WWOX: variants seen among roughly 807,000 people sequenced by gnomAD.
WWOX encodes WW domain containing oxidoreductase.
A neutral mutation model predicts 46.2 loss-of-function variants in WWOX; 69 were observed. The observed-to-expected ratio is 1.49, with a 90% confidence interval of 1.23 to 1.82. The LOEUF is 1.82. Among genes scored for constraint, WWOX ranks in the 40% most tolerant of loss-of-function variants. The pLI is 0.00. For synonymous variants in WWOX, 359 were observed against 202.6 expected (o/e 1.77, Z -6.56); for missense variants, 919 against 542.6 (o/e 1.69, Z -6.89).
chr16:78,564,730 T>C (rs548321162), intron 8 of WWOX, among the ~76,000 whole-genome samples: 5 of 152,324 alleles, frequency 3.3e-5, no homozygotes, highest in African/African-American at 1.2e-4. Flanking sequence ...CATACAACCA[T>C]ATGGTACCTC....
At chr16:78,530,918 C>G (rs1042622693) in intron 8 of WWOX, among the ~76,000 whole-genome samples, 1 of 152,190 alleles carries the variant, frequency 6.6e-6, no homozygotes, top group Non-Finnish European at 1.5e-5. Context: ...TTTCACAACT[C>G]CATAAAGTAG....
intron 6 of WWOX, among the ~76,000 whole-genome samples, chr16:78,406,964 T>C (rs1397134986): frequency 6.6e-6 from 1 of 152,172 alleles, no homozygotes; most frequent in Non-Finnish European, 1.5e-5. Context: ...GGATGCTACC[T>C]AAAATCATCT....
intron 6 of WWOX, among the ~76,000 whole-genome samples, chr16:78,389,518 G>A (rs964001035): frequency 1.3e-4 from 20 of 152,168 alleles, no homozygotes; most frequent in African/African-American, 4.8e-4. Flanking sequence ...CTCATTTACT[G>A]AGGGCTTATG....
chr16:78,862,200 CTT>C (rs1491299653), intron 8 of WWOX, among the ~76,000 whole-genome samples: 1 of 151,494 alleles, frequency 6.6e-6, no homozygotes, highest in Non-Finnish European at 1.5e-5. Flanking sequence ...CTGTCTGTAT[CTT>C]TACACACCTA....
At chr16:78,834,583 G>A (rs1450538776) in intron 8 of WWOX, among the ~76,000 whole-genome samples, 1 of 152,162 alleles carries the variant, frequency 6.6e-6, no homozygotes, top group African/African-American at 2.4e-5. Context: ...AATCCCCATT[G>A]CCGATGATCA....
chr16:78,395,243 G>A (rs946081408), intron 6 of WWOX, among the ~76,000 whole-genome samples: 4 of 152,316 alleles, frequency 2.6e-5, no homozygotes, highest in Middle Eastern at 3.4e-3. Flanking sequence ...GAGAGGACAC[G>A]TGTGATGTCT....
intron 5 of WWOX, among the ~76,000 whole-genome samples, chr16:78,229,350 A>G (rs943695145): frequency 6.6e-6 from 1 of 150,896 alleles, no homozygotes; most frequent in Non-Finnish European, 1.5e-5. Context: ...TTTCTTTTTA[A>G]CTCTAGTTAA....
At position 78,165,330 on chromosome 16, in the gene WWOX, C is replaced by T. The variant is rs140917599; in HGVS notation, c.516+1041C>T. 3.3e-3 allele frequency among the ~76,000 whole-genome samples: 505 copies of T among 152,288 alleles called. 2 individuals are homozygous for T. Among genetic ancestry groups the T allele is most frequent in the Non-Finnish European group, 5.7e-3 (388 of 68,028 alleles). On this transcript the variant is annotated intron_variant, in intron 5 of 8. Transcript: ENST00000566780. ...GGGGTCTACTGTTAAGGACAACAGA[C>T]GTTGCCACTGTCTTTGTAGAGCTTT...
chr16:78,130,827 A>G (rs2033561776), intron 4 of WWOX, among the ~76,000 whole-genome samples: 2 of 152,232 alleles, frequency 1.3e-5, no homozygotes, highest in African/African-American at 2.4e-5. Context: ...GGAGGATACA[A>G]AACACACCAA....
At chr16:79,209,314 C>A (rs2051632471) in intron 8 of WWOX, among the ~76,000 whole-genome samples, 1 of 152,158 alleles carries the variant, frequency 6.6e-6, no homozygotes. Flanking sequence ...AGCAAAAATA[C>A]CATTCCAGTA....
chr16:78,732,141 G>C (rs148663482), intron 8 of WWOX, among the ~76,000 whole-genome samples: 8 of 152,210 alleles, frequency 5.3e-5, no homozygotes, highest in African/African-American at 1.9e-4. Context: ...TGGGATTACA[G>C]GTGTGAGCCC....
At chr16:78,327,565 G>C (rs1167987267) in intron 5 of WWOX, among the ~76,000 whole-genome samples, 1 of 151,944 alleles carries the variant, frequency 6.6e-6, no homozygotes, top group East Asian at 1.9e-4. Context: ...AATCATTTGG[G>C]GTATTAGGAT....
At chr16:78,912,227 T>C (rs938272878) in intron 8 of WWOX, among the ~76,000 whole-genome samples, 1 of 152,072 alleles carries the variant, frequency 6.6e-6, no homozygotes, top group African/African-American at 2.4e-5. Flanking sequence ...CCCAGTTGTT[T>C]TGAAGCATGT....
intron 5 of WWOX, among the ~76,000 whole-genome samples, chr16:78,233,975 G>A (rs2037355384): frequency 6.6e-6 from 1 of 152,184 alleles, no homozygotes; most frequent in Non-Finnish European, 1.5e-5. Flanking sequence ...AGGGTAACCT[G>A]CTCTCTTCCA....
chr16:78,211,122 A>C (rs2036546950), intron 5 of WWOX, among the ~76,000 whole-genome samples: 1 of 152,202 alleles, frequency 6.6e-6, no homozygotes, highest in Non-Finnish European at 1.5e-5. Context: ...GAGGGCTGAA[A>C]GGAATTTATT....
At chr16:78,363,287 T>G (rs2081452599) in intron 5 of WWOX, among the ~76,000 whole-genome samples, 2 of 151,888 alleles carry the variant, frequency 1.3e-5, no homozygotes, top group Admixed American at 1.3e-4. Context: ...TGAGGGCTTT[T>G]TTTTTTGACG....
intron 8 of WWOX, among the ~76,000 whole-genome samples, chr16:78,576,162 A>G (rs1015606750): frequency 7.9e-5 from 12 of 152,212 alleles, no homozygotes; most frequent in African/African-American, 2.7e-4. Context: ...AAGAAACTTC[A>G]ATATGCTATG....
At chr16:78,148,386 G>A (rs969475012) in intron 4 of WWOX, among the ~76,000 whole-genome samples, 3 of 152,156 alleles carry the variant, frequency 2.0e-5, no homozygotes, top group Non-Finnish European at 2.9e-5. Flanking sequence ...CAGACAGCAC[G>A]TGTAGGGGGT....
intron 3 of WWOX, among the ~76,000 whole-genome samples, chr16:78,111,495 G>A (rs1251177312): frequency 1.1e-4 from 17 of 152,206 alleles, no homozygotes; most frequent in Non-Finnish European, 1.8e-4. Flanking sequence ...CATAAGGGCT[G>A]CTTGAGGGCT....
Sources: gnomAD v4.1 joint callset for allele counts (sites outside exome capture counted in the v4.1 genomes callset) on GRCh38, gnomAD v4.1.1 for gene constraint, MANE v1.5 for transcripts, NCBI Gene and HGNC (gene_info 2026-07-23, HGNC 2026-07-21) for gene names.